ERBB4: variants seen among roughly 807,000 people sequenced by gnomAD.
ERBB4 encodes erb-b2 receptor tyrosine kinase 4.
A neutral mutation model predicts 158.0 loss-of-function variants in ERBB4; 42 were observed. The observed-to-expected ratio is 0.27, with a 90% confidence interval of 0.21 to 0.34. The LOEUF is 0.34. ERBB4 is among the 10% of genes least tolerant of loss of function. The probability of loss-of-function intolerance (pLI) is 1.00; values close to 1 mark genes in which losing one functional copy is unlikely to be tolerated. For synonymous variants in ERBB4, 583 were observed against 558.7 expected (o/e 1.04, Z -0.61); for missense variants, 1,333 against 1,624.1 (o/e 0.82, Z 3.08).
At chr2:211,399,025 C>T (rs1574412641) in intron 25 of ERBB4, among the ~76,000 whole-genome samples, 1 of 152,220 alleles carries the variant, frequency 6.6e-6, no homozygotes, top group Non-Finnish European at 1.5e-5. Flanking sequence ...TTTCCTCTCT[C>T]ACCTCCGACC....
At chr2:211,688,709 C>A (rs918635205) in intron 12 of ERBB4, among the ~76,000 whole-genome samples, 1 of 151,982 alleles carries the variant, frequency 6.6e-6, no homozygotes, top group Non-Finnish European at 1.5e-5. Context: ...AAAATTTCTC[C>A]CAAATGATCC....
chr2:212,310,644 T>C (rs2106235894), intron 1 of ERBB4, among the ~76,000 whole-genome samples: 1 of 139,776 alleles, frequency 7.2e-6, no homozygotes, highest in East Asian at 2.0e-4. Context: ...TGTGTGTGTG[T>C]ATATATATAT....
chr2:212,240,792 T>C (rs2084073930), intron 1 of ERBB4, among the ~76,000 whole-genome samples: 1 of 152,042 alleles, frequency 6.6e-6, no homozygotes, highest in Admixed American at 6.6e-5. Flanking sequence ...AACTGTCCCT[T>C]CTTTATCAAA....
At chr2:212,324,248 C>G (rs2087712655) in intron 1 of ERBB4, among the ~76,000 whole-genome samples, 1 of 150,546 alleles carries the variant, frequency 6.6e-6, no homozygotes, top group African/African-American at 2.4e-5. Context: ...CCGTATTACT[C>G]TAAACTTCCT....
At chr2:211,477,209 A>G (rs1320943222) in intron 20 of ERBB4, among the ~76,000 whole-genome samples, 2 of 151,414 alleles carry the variant, frequency 1.3e-5, no homozygotes, top group African/African-American at 2.4e-5. Flanking sequence ...TTGAACTGCA[A>G]CTCTTCCCTT....
At chr2:212,392,816 G>A (rs1177578706) in intron 1 of ERBB4, among the ~76,000 whole-genome samples, 6 of 151,974 alleles carry the variant, frequency 3.9e-5, no homozygotes, top group Admixed American at 1.3e-4. Flanking sequence ...GCTGTGAGCA[G>A]AGATTATATT....
At chr2:212,121,668 T>C (rs2079753487) in intron 2 of ERBB4, among the ~76,000 whole-genome samples, 1 of 152,198 alleles carries the variant, frequency 6.6e-6, no homozygotes, top group African/African-American at 2.4e-5. Context: ...AGTATTCTAT[T>C]TCACCTGAAA....
At chr2:211,498,025 A>G (rs2065516568) in intron 20 of ERBB4, among the ~76,000 whole-genome samples, 1 of 152,080 alleles carries the variant, frequency 6.6e-6, no homozygotes, top group Non-Finnish European at 1.5e-5. Context: ...TGCATTGTGT[A>G]CTATCACCAA....
chr2:212,091,498 A>C (rs2078775193), intron 2 of ERBB4, among the ~76,000 whole-genome samples: 1 of 152,132 alleles, frequency 6.6e-6, no homozygotes, highest in Non-Finnish European at 1.5e-5. Context: ...ATTTACTTGC[A>C]GTATTGTAAC....
At chr2:212,194,801 GT>G (rs1400646955) in intron 1 of ERBB4, among the ~76,000 whole-genome samples, 3 of 151,976 alleles carry the variant, frequency 2.0e-5, no homozygotes, top group African/African-American at 7.2e-5. Context: ...AGAAGTCATG[GT>G]TCTCGAAAAC....
chr2:211,691,566 ATATGTGTGTGTGTG>A (rs558553398), intron 12 of ERBB4, among the ~76,000 whole-genome samples: 2 of 87,934 alleles, frequency 2.3e-5, no homozygotes, highest in Non-Finnish European at 4.9e-5. Flanking sequence ...GCATAGAAAC[ATATGTGTGTGTGTG>A]TGTGTGTGTG....
intron 1 of ERBB4, among the ~76,000 whole-genome samples, chr2:212,259,907 T>C (rs142134557): frequency 6.6e-6 from 1 of 151,886 alleles, no homozygotes; most frequent in African/African-American, 2.4e-5. Context: ...CTGTCTGTAC[T>C]AAAAATACAA....
intron 25 of ERBB4, among the ~76,000 whole-genome samples, chr2:211,394,644 G>T (rs2062872646): frequency 6.6e-6 from 1 of 152,042 alleles, no homozygotes; most frequent in Admixed American, 6.5e-5. Flanking sequence ...GAACAGAAAT[G>T]AAATCATCAA....
At chr2:211,753,066 T>C (rs542803592) in intron 4 of ERBB4, among the ~76,000 whole-genome samples, 1 of 152,248 alleles carries the variant, frequency 6.6e-6, no homozygotes, top group South Asian at 2.1e-4. Flanking sequence ...GTTTTACTCT[T>C]CAAAATGGTG....
At chr2:212,003,777 A>G (rs2076197338) in intron 2 of ERBB4, among the ~76,000 whole-genome samples, 3 of 152,200 alleles carry the variant, frequency 2.0e-5, no homozygotes, top group Admixed American at 2.0e-4. Flanking sequence ...TGATAGGGCA[A>G]AGTGGTCCAG....
At chr2:212,311,728 A>T (rs1020574618) in intron 1 of ERBB4, among the ~76,000 whole-genome samples, 13 of 150,982 alleles carry the variant, frequency 8.6e-5, no homozygotes, top group African/African-American at 3.1e-4. Context: ...TTTGGAAATA[A>T]AAAAGCTTCT....
At chr2:212,256,176 G>C (rs116698193) in intron 1 of ERBB4, among the ~76,000 whole-genome samples, 3,908 of 151,982 alleles carry the variant, frequency 0.026, 162 homozygotes, top group African/African-American at 0.089. Flanking sequence ...TTCTGCCAAA[G>C]ACACCATTGA....
intron 20 of ERBB4, among the ~76,000 whole-genome samples, chr2:211,461,793 G>A (rs1284673431): frequency 3.3e-5 from 5 of 151,810 alleles, no homozygotes; most frequent in African/African-American, 1.2e-4. Flanking sequence ...TAAATGGAGA[G>A]TCTTGAAGAT....
At chr2:211,753,859 T>A (rs1480595317) in intron 4 of ERBB4, among the ~76,000 whole-genome samples, 2 of 137,784 alleles carry the variant, frequency 1.5e-5, no homozygotes, top group Admixed American at 7.0e-5. Flanking sequence ...TCCTGATTTT[T>A]TTTTTTTTTT....
Sources: gnomAD v4.1 joint callset for allele counts (sites outside exome capture counted in the v4.1 genomes callset) on GRCh38, gnomAD v4.1.1 for gene constraint, MANE v1.5 for transcripts, NCBI Gene and HGNC (gene_info 2026-07-23, HGNC 2026-07-21) for gene names.